MAPKAP1: variants seen among roughly 807,000 people sequenced by gnomAD.
MAPKAP1 encodes the protein target of rapamycin complex 2 subunit MAPKAP1.
MAPKAP1 carries 20 observed loss-of-function variants against 65.7 expected under a neutral mutation model. The ratio of observed to expected loss-of-function variants is 0.30; its 90% CI spans 0.21 to 0.44. MAPKAP1 has a LOEUF of 0.44. Among genes scored for constraint, MAPKAP1 ranks in the 20% least tolerant of loss-of-function variants. MAPKAP1 has a pLI of 1.00. For missense variants in MAPKAP1, 423 were observed against 648.0 expected, an observed-to-expected ratio of 0.65 and a Z score of 3.77; for synonymous variants, 222 against 244.3, an observed-to-expected ratio of 0.91 and a Z score of 0.85.
intron 1 of MAPKAP1, among the ~76,000 whole-genome samples, chr9:125,706,085 A>G (rs534018378): frequency 6.6e-6 from 1 of 152,298 alleles, no homozygotes; most frequent in African/African-American, 2.4e-5. Flanking sequence ...ACTGAAAAAC[A>G]TGAAAACAAT....
chr9:125,678,474 C>T (rs906998113), intron 1 of MAPKAP1, among the ~76,000 whole-genome samples: 2 of 151,930 alleles, frequency 1.3e-5, no homozygotes, highest in Admixed American at 6.6e-5. Flanking sequence ...GATCTCCTGA[C>T]CTCGTGATCC....
At chr9:125,686,706 G>A (rs1016003389) in intron 1 of MAPKAP1, among the ~76,000 whole-genome samples, 2 of 152,218 alleles carry the variant, frequency 1.3e-5, no homozygotes, top group African/African-American at 2.4e-5. Context: ...TCAGAGGTAC[G>A]AGGAATCTCT....
At chr9:125,479,814 A>C (rs1308492702) in intron 9 of MAPKAP1, among the ~76,000 whole-genome samples, 1 of 152,134 alleles carries the variant, frequency 6.6e-6, no homozygotes, top group African/African-American at 2.4e-5. Context: ...TGGAATCAGC[A>C]GGGATGCTGG....
intron 4 of MAPKAP1, among the ~76,000 whole-genome samples, chr9:125,639,388 C>T (rs1300105085): frequency 2.0e-5 from 3 of 152,144 alleles, no homozygotes; most frequent in Non-Finnish European, 1.5e-5. Context: ...CCTCTCACTG[C>T]GGGGGTTATC....
chr9:125,577,264 G>A (rs930254038), intron 5 of MAPKAP1, among the ~76,000 whole-genome samples: 4 of 151,370 alleles, frequency 2.6e-5, no homozygotes, highest in Non-Finnish European at 4.4e-5. Context: ...TCTGAGAAGT[G>A]AGGAGCCCCT....
intron 4 of MAPKAP1, among the ~76,000 whole-genome samples, chr9:125,607,798 G>C (rs1832483149): frequency 6.6e-6 from 1 of 152,218 alleles, no homozygotes; most frequent in Non-Finnish European, 1.5e-5. Context: ...TGGGACTACA[G>C]GCATGTGCCA....
At chr9:125,653,943 T>C (rs1218900005) in intron 4 of MAPKAP1, among the ~76,000 whole-genome samples, 1 of 152,220 alleles carries the variant, frequency 6.6e-6, no homozygotes, top group African/African-American at 2.4e-5. Context: ...GAACTTCTGA[T>C]GGTCTATTAA....
intron 4 of MAPKAP1, among the ~76,000 whole-genome samples, chr9:125,653,875 C>T (rs934780957): frequency 6.6e-6 from 1 of 152,188 alleles, no homozygotes; most frequent in Non-Finnish European, 1.5e-5. Context: ...GATGACACAA[C>T]TTGCTAATCA....
chr9:125,589,443 A>G (rs1303595630), intron 4 of MAPKAP1, among the ~76,000 whole-genome samples: 1 of 152,172 alleles, frequency 6.6e-6, no homozygotes, highest in African/African-American at 2.4e-5. Context: ...AATCTGTTGA[A>G]CTACAGAATG....
chr9:125,489,522 C>T (rs1372613355), intron 8 of MAPKAP1, among the ~76,000 whole-genome samples: 1 of 151,986 alleles, frequency 6.6e-6, no homozygotes, highest in Admixed American at 6.6e-5. Context: ...ACTTGAGCAC[C>T]ACAGCTCAAA....
chr9:125,693,678 T>TACATACACAC (rs1835267682), intron 1 of MAPKAP1, among the ~76,000 whole-genome samples: 1 of 125,460 alleles, frequency 8.0e-6, no homozygotes. Context: ...TATACACGTA[T>TACATACACAC]ATATACACGT....
chr9:125,575,114 G>C (rs1347580376), intron 5 of MAPKAP1, among the ~76,000 whole-genome samples: 1 of 152,226 alleles, frequency 6.6e-6, no homozygotes, highest in Non-Finnish European at 1.5e-5. Context: ...TACTTTGGGA[G>C]ACTGAGGCAG....
intron 10 of MAPKAP1, among the ~76,000 whole-genome samples, chr9:125,459,264 G>A (rs541742839): frequency 1.7e-3 from 256 of 151,094 alleles, no homozygotes; most frequent in Middle Eastern, 0.014. Flanking sequence ...GATGGCGGCC[G>A]GGAAGAGGCG....
At chr9:125,691,643 T>C (rs1056865500) in intron 1 of MAPKAP1, among the ~76,000 whole-genome samples, 2 of 151,978 alleles carry the variant, frequency 1.3e-5, no homozygotes, top group Non-Finnish European at 2.9e-5. Context: ...ACAGCAATAG[T>C]TAAAGGGTAG....
At chr9:125,557,959 C>A (rs190145596) in intron 6 of MAPKAP1, among the ~76,000 whole-genome samples, 1 of 152,220 alleles carries the variant, frequency 6.6e-6, no homozygotes, top group African/African-American at 2.4e-5. Context: ...CGGGTTCCAG[C>A]GATTCTCCTG....
chr9:125,513,022 C>A (rs903491430), intron 7 of MAPKAP1: 8 of 152,308 alleles, frequency 5.3e-5, no homozygotes, highest in African/African-American at 1.9e-4. Context: ...CCGGTTTACC[C>A]CTCCTTAGGC....
intron 2 of MAPKAP1, 48 bp downstream of exon 2, chr9:125,672,268 G>C: frequency 6.3e-7 from 1 of 1,599,366 alleles, no homozygotes; most frequent in Middle Eastern, 1.7e-4. Context: ...CCATAAGACT[G>C]TTTACTGATT....
chr9:125,659,273 G>C (rs1564605685), intron 3 of MAPKAP1, among the ~76,000 whole-genome samples: 1 of 152,136 alleles, frequency 6.6e-6, no homozygotes, highest in Non-Finnish European at 1.5e-5. Flanking sequence ...GATCCTAAGA[G>C]AGATGTTACT....
intron 1 of MAPKAP1, among the ~76,000 whole-genome samples, chr9:125,672,996 A>T (rs1834538342): frequency 6.6e-6 from 1 of 152,190 alleles, no homozygotes; most frequent in African/African-American, 2.4e-5. Context: ...TCATTACTTT[A>T]TAAGGTCATG....
Sources: allele counts gnomAD v4.1 joint callset (sites outside exome capture counted in the v4.1 genomes callset), GRCh38; gene constraint gnomAD v4.1.1; transcripts MANE v1.5; gene names NCBI Gene and HGNC (gene_info 2026-07-23, HGNC 2026-07-21).